Variants in QSER1 observed in about 807,000 individuals in gnomAD.
QSER1 encodes the protein glutamine and serine rich 1.
Under a neutral mutation model 158.5 loss-of-function variants are expected in QSER1, and 49 were observed. That is an observed-to-expected ratio of 0.31 (90% CI 0.25 to 0.39). QSER1 has a LOEUF of 0.39. Ranked by LOEUF, QSER1 falls within the 10% of genes least tolerant of loss-of-function variation. The probability of loss-of-function intolerance (pLI) is 1.00; values close to 1 mark genes in which losing one functional copy is unlikely to be tolerated. For missense variants in QSER1, 1,754 were observed against 2,010.3 expected, an observed-to-expected ratio of 0.87 and a Z score of 2.44; for synonymous variants, 650 against 715.5, an observed-to-expected ratio of 0.91 and a Z score of 1.46.
intron 8 of QSER1, among the ~76,000 whole-genome samples, chr11:32,958,914 T>A (rs1852572836): frequency 6.6e-6 from 1 of 152,230 alleles, no homozygotes; most frequent in South Asian, 2.1e-4. Context: ...AAATAATTTG[T>A]TATCAAACTT....
chr11:32,940,452 T>G (rs547642782), intron 4 of QSER1, among the ~76,000 whole-genome samples: 80 of 152,334 alleles, frequency 5.3e-4, no homozygotes, highest in Non-Finnish European at 9.1e-4. Context: ...TAAGTGAGAT[T>G]AGCTTATAGT....
rs759760620 is a variant in QSER1, at chr11:32,934,866, AAAG to A, written c.3610_3612del (p.Arg1204del). On this transcript the variant is annotated inframe_deletion, in exon 4 of 13. Transcript: ENST00000650167. The stretch of plus-strand genomic sequence containing the variant: ...TTAATGCATTTTAACCTTCAAAAGA[AAAG>A]AGCTAAAGGAAAAGGGCAAGTTAAA... 4 of 1,614,096 alleles carry A rather than the reference AAAG, an allele frequency of 2.5e-6. No individual in the cohort carries two copies. Among genetic ancestry groups the A allele is most frequent in the Non-Finnish European group, 3.4e-6 (4 of 1,180,002 alleles).
chr11:32,931,903 C>T lies in QSER1; in HGVS notation c.645C>T (p.Asn215=). Residue 215 remains asparagine (N), a synonymous_variant, in exon 4 of 13, where the codon AAC becomes AAT. Coordinates refer to ENST00000650167, the MANE Select transcript of QSER1 (RefSeq NM_001076786.3). ...TGGTGCTTCAGGATTCAACTTTTAA[C>T]ACTACATCAAATGGAATTTTAAGTC... is the stretch of plus-strand genomic sequence containing the variant. ...SPLVLQDSTF[N]TTSNGILSHH... 6.2e-7 allele frequency: 1 copy of T among 1,614,176 alleles called. No homozygotes were observed. The highest frequency in any genetic ancestry group is 2.2e-5 in the East Asian group (1 of 44,876).
intron 8 of QSER1, among the ~76,000 whole-genome samples, chr11:32,962,121 T>G (rs1852636204): frequency 6.6e-6 from 1 of 152,200 alleles, no homozygotes; most frequent in Non-Finnish European, 1.5e-5. Flanking sequence ...CGGTTCCAAT[T>G]TTTCCACATC....
chr11:32,932,731 G>C lies in QSER1; in HGVS notation c.1473G>C (p.Arg491Ser). The C allele has an allele frequency of 6.2e-7, 1 of 1,614,094 alleles. No individual in the cohort carries two copies. The highest frequency in any genetic ancestry group is 8.5e-7 in the Non-Finnish European group (1 of 1,179,990). ...CTATTGTTCATTCACAGGTTTATAG[G>C]TCCAGCAAGGTTGAGAAATTGCCAC... ...VPSIVHSQVY[R>S]SSKVEKLPPL... Residue 491 changes from arginine (R) to serine (S), a missense_variant, in exon 4 of 13, where the codon AGG (arginine) becomes AGC (serine). Around this residue, in one of 2 missense-constraint regions of QSER1, gnomAD observed 1,707 missense variants for 1,919.6 expected, o/e 0.89. Transcript: ENST00000650167.
chr11:32,928,320 T>C (rs918766086), intron 3 of QSER1, among the ~76,000 whole-genome samples, 197 bp downstream of exon 3: 2 of 152,166 alleles, frequency 1.3e-5, no homozygotes, highest in Admixed American at 6.5e-5. Context: ...AGTTTTAGCA[T>C]TCTGACAAAA....
rs533283881 is a variant in QSER1 at position 32,893,160 on chromosome 11, AGCC to A, written c.54_56del (p.Pro19del). 2.0e-4 allele frequency: 23 copies of A among 117,702 alleles called. No homozygotes were observed. The highest frequency in any genetic ancestry group is 3.7e-4 in the African/African-American group (11 of 30,112). The allele number at this position is 117,702 out of a possible 1,614,324, so 7.3% of individuals were successfully genotyped here. ...AACTACGCGACCTCGGGCTTCACCG[AGCC>A]GCCGCCGCCGCCGCCGCCCGCGCCC... is the stretch of plus-strand genomic sequence containing the variant. On this transcript the variant is annotated inframe_deletion, in exon 1 of 13. Coordinates refer to ENST00000650167, the MANE Select transcript of QSER1 (RefSeq NM_001076786.3). This position sits in a 1 kb window ranked among gnomAD's most constrained non-coding sequence, Gnocchi z 4.7.
chr11:32,945,828 GTGTTTTCCAAC>G (rs1200722884), intron 4 of QSER1, among the ~76,000 whole-genome samples: 2 of 152,044 alleles, frequency 1.3e-5, no homozygotes, highest in Non-Finnish European at 2.9e-5. Context: ...ACCCTGCAGA[GTGTTTTCCAAC>G]TTGGTTCCAT....
intron 9 of QSER1, among the ~76,000 whole-genome samples, chr11:32,967,904 A>C (rs1007186206): frequency 2.0e-5 from 3 of 152,252 alleles, no homozygotes; most frequent in African/African-American, 4.8e-5. Context: ...TTTGTAAACT[A>C]AAGTTCAAAA....
chr11:32,897,088 G>C (rs957424524), intron 1 of QSER1, among the ~76,000 whole-genome samples: 4 of 152,070 alleles, frequency 2.6e-5, no homozygotes, highest in Admixed American at 1.3e-4. Context: ...TAAGTCACAC[G>C]TACATTCATT....
intron 1 of QSER1, among the ~76,000 whole-genome samples, chr11:32,925,473 T>G (rs1291618931): frequency 6.6e-6 from 1 of 151,944 alleles, no homozygotes; most frequent in Non-Finnish European, 1.5e-5. Context: ...GCAAAACTAC[T>G]GGAATGTTGA....
chr11:32,935,469 C>CT, intron 4 of QSER1, 34 bp downstream of exon 4: 1 of 1,416,482 alleles, frequency 7.1e-7, no homozygotes, highest in Non-Finnish European at 9.4e-7. Context: ...ATAATTATTA[C>CT]TTTCTTCTAT....
chr11:32,934,907 A>C lies in QSER1; in HGVS notation c.3649A>C (p.Ser1217Arg). The C allele has an allele frequency of 3.1e-6, 5 of 1,613,834 alleles. No homozygotes were observed. Among genetic ancestry groups the C allele is most frequent in the Non-Finnish European group, 3.4e-6 (4 of 1,179,960 alleles). Reference protein sequence around the residue: ...GKGQVKEEDNSNQKQLKRPAQ... With the variant: ...GKGQVKEEDNRNQKQLKRPAQ... ...AGGGCAAGTTAAAGAGGAAGACAAC[A>C]GTAATCAGAAACAGCTGAAAAGACC... Residue 1217 changes from serine (S) to arginine (R), a missense_variant, in exon 4 of 13, where the codon AGT (serine) becomes CGT (arginine). Around this residue, in one of 2 missense-constraint regions of QSER1, gnomAD observed 1,707 missense variants for 1,919.6 expected, o/e 0.89. Coordinates refer to ENST00000650167, the MANE Select transcript of QSER1 (RefSeq NM_001076786.3).
Position 32,932,396 on chromosome 11 carries a change from CAGA to C in QSER1, c.1142_1144del (p.Lys381del). ...TCAGGTGAGCAACGGAGGATTACAA[CAGA>C]AGACCTCCCAGGTCTCAGTGGAACT... On this transcript the variant is annotated inframe_deletion, in exon 4 of 13. Transcript: ENST00000650167. 2 of 1,612,660 alleles carry C rather than the reference CAGA, an allele frequency of 1.2e-6. No individual in the cohort carries two copies. The highest frequency in any genetic ancestry group is 2.2e-5 in the East Asian group (1 of 44,878).
chr11:32,958,219 T>C, intron 8 of QSER1, 133 bp downstream of exon 8: 9 of 776,516 alleles, frequency 1.2e-5, no homozygotes, highest in Non-Finnish European at 1.8e-5. Context: ...CTGTTTAGGT[T>C]TTTATGAAAG....
At chr11:32,923,047 C>T (rs1288097063) in intron 1 of QSER1, among the ~76,000 whole-genome samples, 13 of 152,150 alleles carry the variant, frequency 8.5e-5, no homozygotes, top group Non-Finnish European at 1.9e-4. Flanking sequence ...TGTCTCTCAA[C>T]TGGTGAGAAG....
chr11:32,927,957 T>C lies in QSER1; in HGVS notation c.323-5T>C. On this transcript the variant is annotated splice_region_variant and splice_polypyrimidine_tract_variant and intron_variant, in intron 2 of 12. Transcript: ENST00000650167. ...CTTTGGGATATATTTTATCTTCAAA[T>C]TTAGGTCTTTCTGGAATATTTGATA... 1 of 749,348 alleles carries C rather than the reference T, an allele frequency of 1.3e-6. No individual in the cohort carries two copies. Among genetic ancestry groups the C allele is most frequent in the Non-Finnish European group, 2.2e-6 (1 of 462,682 alleles). 46.4% of individuals were successfully genotyped at this position (749,348 alleles called of 1,614,324 possible).
At position 32,893,179 on chromosome 11, in the gene QSER1, G is replaced by GCCCGCGCCC. The variant is rs1294830964; in HGVS notation, c.60_68dup (p.Pro21_Ala23dup). 1.4e-5 allele frequency: 2 copies of GCCCGCGCCC among 141,394 alleles called. No individual in the cohort carries two copies. The highest frequency in any genetic ancestry group is 7.1e-5 in the Admixed American group (1 of 14,098). 8.8% of individuals were successfully genotyped at this position (141,394 alleles called of 1,614,324 possible). On this transcript the variant is annotated inframe_insertion, in exon 1 of 13. Transcript: ENST00000650167. The surrounding 1 kb of genome is among the most constrained non-coding windows in gnomAD (Gnocchi z 4.7). ...TCACCGAGCCGCCGCCGCCGCCGCCGCCCGCGCCCCCCGCCGCCCCCGTCC... is the reference window on the plus strand; with the variant it reads ...TCACCGAGCCGCCGCCGCCGCCGCCGCCCGCGCCCCCCGCGCCCCCCGCCGCCCCCGTCC...
Position 32,917,870 on chromosome 11 carries a change from G to A in QSER1, c.210-9287G>A, listed in dbSNP as rs1438307625. ...CCAGCATTTCTCTGTATTGCTTTCTGTGACTTATGATGTGGAGCTCTCTTG... is the reference window on the plus strand; with the variant it reads ...CCAGCATTTCTCTGTATTGCTTTCTATGACTTATGATGTGGAGCTCTCTTG... On this transcript the variant is annotated intron_variant, in intron 1 of 12. Transcript: ENST00000650167. 2.1e-5 allele frequency among the ~76,000 whole-genome samples: 3 copies of A among 146,294 alleles called. No homozygotes were observed. The Admixed American group carries it at 2.1e-4, about 10-fold the overall frequency.
Sources: allele counts gnomAD v4.1 joint callset (sites outside exome capture counted in the v4.1 genomes callset), GRCh38; gene constraint gnomAD v4.1.1; regional missense constraint gnomAD v4.1.1; non-coding constraint Gnocchi (gnomAD v3.1); transcripts MANE v1.5; gene names NCBI Gene and HGNC (gene_info 2026-07-23, HGNC 2026-07-21).